Variants in DTNB observed in about 807,000 individuals in gnomAD.
DTNB encodes DTN-B.
Under a neutral mutation model 90.7 loss-of-function variants are expected in DTNB, and 63 were observed. The ratio of observed to expected loss-of-function variants is 0.69; its 90% CI spans 0.57 to 0.86. DTNB has a LOEUF of 0.86. Among genes scored for constraint, DTNB ranks in the 40% least tolerant of loss-of-function variants. The pLI, the probability that DTNB is intolerant of heterozygous loss-of-function variation, is 0.00. For synonymous variants in DTNB, 277 were observed against 286.7 expected (o/e 0.97, Z 0.34); for missense variants, 744 against 807.1 (o/e 0.92, Z 0.95).
rs1037065773 is a variant in DTNB at position 25,571,126 on chromosome 2, T to C, written c.876+5712A>G. 5.9e-5 allele frequency among the ~76,000 whole-genome samples: 9 copies of C among 152,290 alleles called. No individual in the cohort carries two copies. The South Asian group carries it at 8.3e-4, about 14-fold the overall frequency. ...CAGGACAAAATCTTAGACTTTTCCT[T>C]GACTCCTCCGCTCTCACAAGCCACA... On this transcript the variant is annotated intron_variant, in intron 8 of 20. Transcript: ENST00000406818.
chr2:25,474,606 T>A (rs2063421520), intron 10 of DTNB, among the ~76,000 whole-genome samples: 1 of 152,234 alleles, frequency 6.6e-6, no homozygotes, highest in African/African-American at 2.4e-5. Context: ...GATAATAAGA[T>A]AAACTCTTTA....
chr2:25,436,140 G>C (rs2055680331), intron 12 of DTNB, among the ~76,000 whole-genome samples: 1 of 152,192 alleles, frequency 6.6e-6, no homozygotes, highest in Non-Finnish European at 1.5e-5. Flanking sequence ...TTCAAGACCA[G>C]CATGGCCAAC....
At chr2:25,401,689 G>C (rs558136031) in intron 16 of DTNB, among the ~76,000 whole-genome samples, 1 of 152,368 alleles carries the variant, frequency 6.6e-6, no homozygotes, top group South Asian at 2.1e-4. Context: ...CAAGGCCAGA[G>C]AGACTTGTGG....
In DTNB at chr2:25,589,367, CTTTTTTTTTTT is replaced by C. The variant is rs1169808182; in HGVS notation, c.603+6708_603+6718del. Among the ~76,000 whole-genome samples, 39 of 57,542 alleles carry C rather than the reference CTTTTTTTTTTT, an allele frequency of 6.8e-4. No homozygotes were observed. In the East Asian group the frequency reaches 0.012, roughly 17 times the overall value. 37.7% of individuals were successfully genotyped at this position (57,542 alleles called of 152,430 possible). A position where few individuals can be genotyped will look rare whatever the true frequency, so the allele number is the denominator to read the frequency against. On this transcript the variant is annotated intron_variant, in intron 6 of 20. Coordinates refer to ENST00000406818, the MANE Select transcript of DTNB (RefSeq NM_021907.5). ...GCTTATTCAGGTTTCTTTTTCTTTT[CTTTTTTTTTTT>C]TTTTTTTTTTTTTTTTTTTTGAGAT...
At chr2:25,668,441 T>C (rs1387500147) in intron 1 of DTNB, among the ~76,000 whole-genome samples, 1 of 152,188 alleles carries the variant, frequency 6.6e-6, no homozygotes, top group African/African-American at 2.4e-5. Flanking sequence ...CTGTTGAGTA[T>C]TTTACAAGTG....
chr2:25,449,601 T>C (rs2150113477), intron 12 of DTNB, among the ~76,000 whole-genome samples: 1 of 152,314 alleles, frequency 6.6e-6, no homozygotes, highest in Non-Finnish European at 1.5e-5. Context: ...TATTGGCCAC[T>C]GGCATATCTT....
At chr2:25,498,064 C>G (rs2069411774) in intron 9 of DTNB, among the ~76,000 whole-genome samples, 2 of 152,188 alleles carry the variant, frequency 1.3e-5, no homozygotes, top group Non-Finnish European at 2.9e-5. Context: ...AGCACAGCCT[C>G]AGTCTCCCAG....
At chr2:25,616,234 TGAG>T (rs533028021) in intron 4 of DTNB, among the ~76,000 whole-genome samples, 136 of 152,322 alleles carry the variant, frequency 8.9e-4, no homozygotes, top group African/African-American at 2.9e-3. Flanking sequence ...CAACTCTTCC[TGAG>T]AAGAGACTTA....
chr2:25,547,201 A>G (rs2082616682), intron 8 of DTNB, among the ~76,000 whole-genome samples: 1 of 152,072 alleles, frequency 6.6e-6, no homozygotes, highest in African/African-American at 2.4e-5. Flanking sequence ...TTTCCAGGAT[A>G]AGTGCTACTT....
At chr2:25,461,272 A>G (rs373604774) in intron 10 of DTNB, among the ~76,000 whole-genome samples, 45 of 152,332 alleles carry the variant, frequency 3.0e-4, no homozygotes, top group African/African-American at 1.1e-3. Context: ...CACAATGAAA[A>G]GCATTCTTAG....
intron 1 of DTNB, among the ~76,000 whole-genome samples, chr2:25,653,597 C>T (rs1204233870): frequency 6.7e-5 from 10 of 149,900 alleles, no homozygotes; most frequent in Admixed American, 1.3e-4. Context: ...CTGCAACCTC[C>T]GACTCCCGGG....
intron 4 of DTNB, among the ~76,000 whole-genome samples, chr2:25,614,952 T>C (rs2069820821): frequency 6.6e-6 from 1 of 152,218 alleles, no homozygotes; most frequent in African/African-American, 2.4e-5. Context: ...TCCCACAGGC[T>C]GAGGGCTCAT....
At chr2:25,541,414 G>A (rs936866433) in intron 8 of DTNB, among the ~76,000 whole-genome samples, 5 of 152,042 alleles carry the variant, frequency 3.3e-5, no homozygotes, top group Admixed American at 6.6e-5. Context: ...CCCGGGAGAC[G>A]GAAGTTGCAG....
At chr2:25,517,494 C>T (rs1477114565) in intron 9 of DTNB, among the ~76,000 whole-genome samples, 1 of 152,134 alleles carries the variant, frequency 6.6e-6, no homozygotes, top group East Asian at 1.9e-4. Context: ...ATACCCATTA[C>T]GATGGCTACT....
intron 6 of DTNB, among the ~76,000 whole-genome samples, chr2:25,585,609 T>A (rs1047690181): frequency 3.3e-5 from 5 of 152,114 alleles, no homozygotes; most frequent in Admixed American, 3.3e-4. Flanking sequence ...GAAAATAAAA[T>A]AATTTAGCTA....
chr2:25,556,170 CTTT>C (rs60714399), intron 8 of DTNB, among the ~76,000 whole-genome samples: 102 of 105,538 alleles, frequency 9.7e-4, no homozygotes, highest in African/African-American at 3.6e-3. Context: ...GGCCATCTCT[CTTT>C]TTTTTTTTTT....
At chr2:25,564,765 T>A (rs555638141) in intron 8 of DTNB, among the ~76,000 whole-genome samples, 1 of 152,324 alleles carries the variant, frequency 6.6e-6, no homozygotes, top group South Asian at 2.1e-4. Flanking sequence ...CCTATTTTGT[T>A]CTTTTTGATG....
chr2:25,435,408 C>A (rs1303081838), intron 12 of DTNB, among the ~76,000 whole-genome samples: 1 of 152,220 alleles, frequency 6.6e-6, no homozygotes, highest in Non-Finnish European at 1.5e-5. Context: ...CATTCCCCAT[C>A]CCCCTTCCCT....
At chr2:25,377,714 C>A (rs916838211) in intron 20 of DTNB, among the ~76,000 whole-genome samples, 161 bp from the exon 21 acceptor site, 4 of 152,176 alleles carry the variant, frequency 2.6e-5, no homozygotes, top group South Asian at 2.1e-4. Context: ...GGGTCCTCTG[C>A]CATCATTCCT....
Sources: gnomAD v4.1 joint callset for allele counts (sites outside exome capture counted in the v4.1 genomes callset) on GRCh38, gnomAD v4.1.1 for gene constraint, MANE v1.5 for transcripts, NCBI Gene and HGNC (gene_info 2026-07-23, HGNC 2026-07-21) for gene names.